PCDHGB2: variants seen among roughly 807,000 people sequenced by gnomAD.
PCDHGB2 encodes the protein protocadherin gamma-B2.
In PCDHGB2, 55 loss-of-function variants were observed where a neutral mutation model predicts 59.3. The ratio of observed to expected loss-of-function variants is 0.93; its 90% CI spans 0.75 to 1.16. The LOEUF is 1.16. Among genes scored for constraint, PCDHGB2 ranks in the 50% most tolerant of loss-of-function variants. The pLI, the probability that PCDHGB2 is intolerant of heterozygous loss-of-function variation, is 0.00. For missense variants in PCDHGB2, 1,228 were observed against 1,198.5 expected, an observed-to-expected ratio of 1.02 and a Z score of -0.36; for synonymous variants, 516 against 512.0, an observed-to-expected ratio of 1.01 and a Z score of -0.11.
chr5:141,491,705 G>A lies in PCDHGB2; in HGVS notation c.2422-3102G>A. ...ACGCTGCGGGAGCGGAGCCAGGTGA[G>A]GGGCTCGGCGCCGCCCCGGGCGACC... is the stretch of plus-strand genomic sequence containing the variant. On this transcript the variant is annotated intron_variant, in intron 1 of 3. Transcript: ENST00000522605. The surrounding 1 kb of genome is among the most constrained non-coding windows in gnomAD (Gnocchi z 6.9). 1 of 1,611,064 alleles carries A rather than the reference G, an allele frequency of 6.2e-7. No homozygotes were observed. Among genetic ancestry groups the A allele is most frequent in the South Asian group, 1.1e-5 (1 of 90,828 alleles).
chr5:141,455,006 G>A (rs1194194759), intron 1 of PCDHGB2, among the ~76,000 whole-genome samples: 2 of 150,910 alleles, frequency 1.3e-5, no homozygotes, highest in Non-Finnish European at 3.0e-5. Flanking sequence ...TAGAGACGGG[G>A]TTTCACCGTG....
rs575695102 is a variant in PCDHGB2 at position 141,421,063 on chromosome 5, G to C, written c.2421+58507G>C. 16 of 581,866 alleles carry C rather than the reference G, an allele frequency of 2.7e-5. No individual in the cohort carries two copies. The African/African-American group carries it at 2.9e-4, about 10-fold the overall frequency. 36.0% of individuals were successfully genotyped at this position (581,866 alleles called of 1,614,324 possible). A position where few individuals can be genotyped will look rare whatever the true frequency, so the allele number is the denominator to read the frequency against. ...CTCCCCCGCCTCTACCACACAAAGC[G>C]GAATGAGATGGATACTCACAGATCC... On this transcript the variant is annotated intron_variant, in intron 1 of 3. Coordinates refer to ENST00000522605, the MANE Select transcript of PCDHGB2 (RefSeq NM_018923.3).
In PCDHGB2 at chr5:141,474,831, G is replaced by A. The variant is rs188288898; in HGVS notation, c.2422-19976G>A. On this transcript the variant is annotated intron_variant, in intron 1 of 3. Coordinates refer to ENST00000522605, the MANE Select transcript of PCDHGB2 (RefSeq NM_018923.3). ...CATCATTAATTGAGGCTTACTCTGTGCCAGGCACTTTACCTGCCTTCTTCA... is the reference window on the plus strand; with the variant it reads ...CATCATTAATTGAGGCTTACTCTGTACCAGGCACTTTACCTGCCTTCTTCA... 5.3e-5 allele frequency among the ~76,000 whole-genome samples: 8 copies of A among 152,350 alleles called. No individual in the cohort carries two copies. The East Asian group carries it at 1.5e-3, about 29-fold the overall frequency.
chr5:141,397,820 C>G (rs2093573235), intron 1 of PCDHGB2, among the ~76,000 whole-genome samples: 1 of 152,240 alleles, frequency 6.6e-6, no homozygotes, highest in Non-Finnish European at 1.5e-5. Flanking sequence ...AAAACAATTA[C>G]TGCACTGGTT....
intron 1 of PCDHGB2, chr5:141,392,285 A>G (rs554377698): frequency 6.6e-6 from 1 of 152,312 alleles, no homozygotes; most frequent in East Asian, 1.9e-4. Flanking sequence ...TTAGAGCACA[A>G]TGGGAAATGA....
At chr5:141,374,607 AT>A in intron 1 of PCDHGB2, 5 of 1,613,660 alleles carry the variant, frequency 3.1e-6, no homozygotes, top group Non-Finnish European at 4.2e-6. Flanking sequence ...CTCAGTGGTA[AT>A]AGTCACTTCT....
In PCDHGB2 at chr5:141,491,679, T is replaced by G. The variant is rs111288145; in HGVS notation, c.2422-3128T>G. 1 of 1,613,496 alleles carries G rather than the reference T, an allele frequency of 6.2e-7. No individual in the cohort carries two copies. Among genetic ancestry groups the G allele is most frequent in the Non-Finnish European group, 8.5e-7 (1 of 1,179,828 alleles). On this transcript the variant is annotated intron_variant, in intron 1 of 3. Coordinates refer to ENST00000522605, the MANE Select transcript of PCDHGB2 (RefSeq NM_018923.3). The surrounding 1 kb of genome is among the most constrained non-coding windows in gnomAD (Gnocchi z 6.9). ...CTGACGCCATCCGGTCCCGCTCTAA[T>G]ACGCTGCGGGAGCGGAGCCAGGTGA...
rs765535731 is a variant in PCDHGB2, at chr5:141,427,976, G to T, written c.2421+65420G>T. On this transcript the variant is annotated intron_variant, in intron 1 of 3. Transcript: ENST00000522605. ...ATGTGCCGCGGGTGCTGTACCCCGC[G>T]CTGGGGCCCGATGGCTCCGCACTCT... 1.1e-5 allele frequency: 17 copies of T among 1,594,884 alleles called. No individual in the cohort carries two copies. The East Asian group carries it at 1.6e-4, about 15-fold the overall frequency.
chr5:141,506,577 A>G (rs2099855057), intron 3 of PCDHGB2, among the ~76,000 whole-genome samples: 1 of 152,162 alleles, frequency 6.6e-6, no homozygotes, highest in South Asian at 2.1e-4. Flanking sequence ...TTCACTTACT[A>G]TTAATGGGCA....
chr5:141,424,860 A>C (rs2154550951), intron 1 of PCDHGB2, among the ~76,000 whole-genome samples: 1 of 152,340 alleles, frequency 6.6e-6, no homozygotes. Flanking sequence ...TGTCTAGGAA[A>C]GCCAAATGAG....
chr5:141,366,708 T>G (rs374131113), intron 1 of PCDHGB2: 2 of 1,614,120 alleles, frequency 1.2e-6, no homozygotes, highest in African/African-American at 1.3e-5. Context: ...CCTCTTCTGA[T>G]GTCTGATAAG....
chr5:141,393,447 C>G, intron 1 of PCDHGB2: 1 of 1,614,052 alleles, frequency 6.2e-7, no homozygotes. Flanking sequence ...CCACCTGGTC[C>G]TCACGGCCTC....
chr5:141,399,373 GT>G, intron 1 of PCDHGB2: 1 of 1,613,982 alleles, frequency 6.2e-7, no homozygotes. Context: ...GGAGTACAAT[GT>G]CACCATCACA....
rs761668802 is a variant in PCDHGB2, at chr5:141,362,348, G to C, written c.2213G>C (p.Gly738Ala). ...QPGLSSKPGPGVLPNYSEGTL... is the reference protein window; with the variant it reads ...QPGLSSKPGPAVLPNYSEGTL... ...GGTCTCAGCTCCAAGCCTGGACCTG[G>C]GGTTCTCCCCAATTACAGTGAGGGT... The change falls in exon 1 of 4, where the codon GGG becomes GCG. Residue 738 changes from glycine (G) to alanine (A), a missense_variant. Transcript: ENST00000522605. 12 of 1,613,904 alleles carry C rather than the reference G, an allele frequency of 7.4e-6. No homozygotes were observed. The highest frequency in any genetic ancestry group is 1.3e-5 in the African/African-American group (1 of 74,934).
intron 1 of PCDHGB2, chr5:141,371,822 C>T (rs3749776): frequency 0.026 from 42,283 of 1,613,860 alleles, 714 homozygotes; most frequent in East Asian, 0.041. Flanking sequence ...ATGTCAGAGC[C>T]TCGGATCCCG....
chr5:141,477,867 C>CGGT lies in PCDHGB2; in HGVS notation c.2422-16940_2422-16939insGGT. On this transcript the variant is annotated intron_variant, in intron 1 of 3. Transcript: ENST00000522605. This position sits in a 1 kb window ranked among gnomAD's most constrained non-coding sequence, Gnocchi z 4.9. ...TCGGTGGAGATGCTGCCTCGAGGTA[C>CGGT]CTCAGCTGGCCACCTAGTGTCACGG... 6.2e-7 allele frequency: 1 copy of CGGT among 1,613,614 alleles called. No homozygotes were observed. Among genetic ancestry groups the CGGT allele is most frequent in the Non-Finnish European group, 8.5e-7 (1 of 1,179,854 alleles).
chr5:141,374,304 T>C lies in PCDHGB2; in HGVS notation c.2421+11748T>C, dbSNP rs748378038. On this transcript the variant is annotated intron_variant, in intron 1 of 3. Coordinates refer to ENST00000522605, the MANE Select transcript of PCDHGB2 (RefSeq NM_018923.3). ...ATCGTCTCCAGAGGTAGGATGCAGC[T>C]TTTCTCTCTGAATCCGCGAAACGGC... 3.7e-6 allele frequency: 6 copies of C among 1,613,950 alleles called. No homozygotes were observed. The highest frequency in any genetic ancestry group is 1.7e-4 in the Middle Eastern group (1 of 6,058).
rs2099701571 is a variant in PCDHGB2, at chr5:141,490,550, A to G, written c.2422-4257A>G. On this transcript the variant is annotated intron_variant, in intron 1 of 3. Coordinates refer to ENST00000522605, the MANE Select transcript of PCDHGB2 (RefSeq NM_018923.3). This position sits in a 1 kb window ranked among gnomAD's most constrained non-coding sequence, Gnocchi z 5.4. ...GCTGGTTCACCTTCCCTACACAAACATCTCACCATCAGGCTCAACATTTCA... is the reference window on the plus strand; with the variant it reads ...GCTGGTTCACCTTCCCTACACAAACGTCTCACCATCAGGCTCAACATTTCA... 1 of 1,614,092 alleles carries G rather than the reference A, an allele frequency of 6.2e-7. No individual in the cohort carries two copies.
intron 1 of PCDHGB2, chr5:141,393,938 C>G (rs537803893): frequency 9.3e-6 from 15 of 1,613,818 alleles, no homozygotes; most frequent in Non-Finnish European, 1.3e-5. Context: ...ATGACCAAGA[C>G]TCTGGAAAGA....
Sources: gnomAD v4.1 joint callset for allele counts (sites outside exome capture counted in the v4.1 genomes callset) on GRCh38, gnomAD v4.1.1 for gene constraint, Gnocchi (gnomAD v3.1) non-coding constraint, MANE v1.5 for transcripts, NCBI Gene and HGNC (gene_info 2026-07-23, HGNC 2026-07-21) for gene names.